The following MDGA2 variants were observed in gnomAD, a reference collection of about 807,000 sequenced individuals.
MDGA2 encodes the protein MAM domain-containing glycosylphosphatidylinositol anchor protein 2.
In MDGA2, 40 loss-of-function variants were observed where a neutral mutation model predicts 117.8. The ratio of observed to expected loss-of-function variants is 0.34; its 90% confidence interval spans 0.26 to 0.44. The LOEUF is 0.44. MDGA2 is among the 20% of genes least tolerant of loss of function. MDGA2 has a pLI of 1.00. For synonymous variants in MDGA2, 452 were observed against 439.0 expected, an observed-to-expected ratio of 1.03 and a Z score of -0.37; for missense variants, 1,123 against 1,250.6, an observed-to-expected ratio of 0.90 and a Z score of 1.54.
At chr14:47,039,087 T>C (rs536380739) in intron 7 of MDGA2, among the ~76,000 whole-genome samples, 5 of 152,334 alleles carry the variant, frequency 3.3e-5, no homozygotes, top group African/African-American at 1.2e-4. Flanking sequence ...AAATTTTCTA[T>C]CTCTAAGAAT....
intron 1 of MDGA2, among the ~76,000 whole-genome samples, chr14:47,437,896 T>C (rs937143280): frequency 1.3e-5 from 2 of 152,152 alleles, no homozygotes; most frequent in Non-Finnish European, 2.9e-5. Flanking sequence ...TACACTCTAA[T>C]AAAGGCAACA....
chr14:47,638,680 T>C (rs143010489), intron 1 of MDGA2, among the ~76,000 whole-genome samples: 2 of 152,284 alleles, frequency 1.3e-5, no homozygotes, highest in Non-Finnish European at 2.9e-5. Flanking sequence ...TCTCCTACCC[T>C]AGTCCAAACC....
chr14:47,031,124 CT>C (rs1888649667), intron 8 of MDGA2, among the ~76,000 whole-genome samples: 1 of 151,604 alleles, frequency 6.6e-6, no homozygotes, highest in African/African-American at 2.4e-5. Flanking sequence ...ATATTGCTTC[CT>C]TTTAAACATA....
intron 14 of MDGA2, among the ~76,000 whole-genome samples, chr14:46,872,696 A>G (rs922706504): frequency 1.3e-5 from 2 of 152,036 alleles, no homozygotes; most frequent in Non-Finnish European, 1.5e-5. Context: ...CAGGTTATAT[A>G]TCAGGCTAAC....
chr14:47,300,114 G>A (rs575676246), intron 2 of MDGA2, among the ~76,000 whole-genome samples: 4 of 152,216 alleles, frequency 2.6e-5, no homozygotes, highest in Admixed American at 6.5e-5. Context: ...TTAAGGATCC[G>A]TCAGTAAGAG....
intron 1 of MDGA2, among the ~76,000 whole-genome samples, chr14:47,624,372 C>A (rs1268856075): frequency 2.0e-5 from 3 of 152,100 alleles, no homozygotes; most frequent in African/African-American, 7.2e-5. Context: ...GCAGGACAAT[C>A]GTTTGAACCT....
At chr14:47,402,564 T>C (rs547986350) in intron 1 of MDGA2, among the ~76,000 whole-genome samples, 59 of 152,240 alleles carry the variant, frequency 3.9e-4, no homozygotes, top group Admixed American at 7.8e-4. Context: ...TTTGTAATGT[T>C]GCTGGAACGA....
At chr14:47,493,054 C>A (rs985695253) in intron 1 of MDGA2, among the ~76,000 whole-genome samples, 6 of 151,578 alleles carry the variant, frequency 4.0e-5, no homozygotes, top group Non-Finnish European at 8.8e-5. Context: ...ATACTTATTA[C>A]CAGTATCAAA....
chr14:46,844,928 C>A (rs762077591), intron 16 of MDGA2, among the ~76,000 whole-genome samples: 40 of 152,300 alleles, frequency 2.6e-4, no homozygotes, highest in Non-Finnish European at 4.3e-4. Context: ...GTCGCCCAGG[C>A]TGGAGTGCAG....
chr14:47,321,562 C>T (rs1382847486), intron 1 of MDGA2, among the ~76,000 whole-genome samples: 1 of 152,134 alleles, frequency 6.6e-6, no homozygotes, highest in Non-Finnish European at 1.5e-5. Context: ...GTGGTTTCTT[C>T]TGTGCTACAA....
intron 1 of MDGA2, among the ~76,000 whole-genome samples, chr14:47,424,643 T>C (rs1368169499): frequency 6.6e-6 from 1 of 152,186 alleles, no homozygotes; most frequent in African/African-American, 2.4e-5. Flanking sequence ...AGTGAAATTC[T>C]AGATGTGACA....
intron 3 of MDGA2, among the ~76,000 whole-genome samples, chr14:47,163,628 T>C (rs1257392154): frequency 6.6e-6 from 1 of 152,208 alleles, no homozygotes; most frequent in African/African-American, 2.4e-5. Context: ...CTCCGTCTTT[T>C]GTAAATTGCC....
At chr14:46,851,522 A>G (rs1036698949) in intron 15 of MDGA2, among the ~76,000 whole-genome samples, 2 of 151,880 alleles carry the variant, frequency 1.3e-5, no homozygotes, top group African/African-American at 2.4e-5. Context: ...GTACTAAGCA[A>G]TAATTGTATT....
chr14:47,079,527 T>A (rs974185100), intron 6 of MDGA2, among the ~76,000 whole-genome samples: 7 of 152,112 alleles, frequency 4.6e-5, no homozygotes, highest in Non-Finnish European at 1.5e-5. Context: ...TAATTTCTGA[T>A]AGCATTATTT....
intron 3 of MDGA2, among the ~76,000 whole-genome samples, chr14:47,195,858 G>A (rs932320727): frequency 1.3e-5 from 2 of 151,930 alleles, no homozygotes; most frequent in African/African-American, 2.4e-5. Context: ...TAAAAGCCAC[G>A]TCTGAAATAA....
At chr14:47,469,705 T>A (rs970062475) in intron 1 of MDGA2, among the ~76,000 whole-genome samples, 16 of 152,076 alleles carry the variant, frequency 1.1e-4, no homozygotes, top group Non-Finnish European at 1.5e-4. Context: ...TATTTTTAGT[T>A]CAAGATCCCT....
chr14:47,304,714 A>C (rs1889387699), intron 1 of MDGA2, among the ~76,000 whole-genome samples: 2 of 152,222 alleles, frequency 1.3e-5, no homozygotes, highest in South Asian at 4.1e-4. Flanking sequence ...ATAGAGTCCT[A>C]ATCGCTGTGC....
chr14:47,190,684 T>C (rs112544787), intron 3 of MDGA2, among the ~76,000 whole-genome samples: 2,357 of 152,254 alleles, frequency 0.015, 70 homozygotes, highest in African/African-American at 0.051. Context: ...ATATAAATTA[T>C]TCGGTATTTT....
intron 3 of MDGA2, among the ~76,000 whole-genome samples, chr14:47,158,607 C>T (rs998726869): frequency 6.6e-6 from 1 of 151,564 alleles, no homozygotes; most frequent in East Asian, 2.0e-4. Context: ...ACCTCCCGAA[C>T]AGCTGCCTGG....
Sources: allele counts gnomAD v4.1 joint callset (sites outside exome capture counted in the v4.1 genomes callset), GRCh38; gene constraint gnomAD v4.1.1; transcripts MANE v1.5; gene names NCBI Gene and HGNC (gene_info 2026-07-23, HGNC 2026-07-21).